Variants in POLR1B observed in about 807,000 individuals in gnomAD.
The protein encoded by POLR1B is DNA-directed RNA polymerase I subunit RPA2.
In POLR1B, 30 loss-of-function variants were observed where a neutral mutation model predicts 105.8. The observed-to-expected ratio is 0.28, with a 90% CI of 0.21 to 0.38. The LOEUF is 0.38. POLR1B is among the 10% of genes least tolerant of loss of function. The probability of loss-of-function intolerance (pLI) is 1.00; values close to 1 mark genes in which losing one functional copy is unlikely to be tolerated. For synonymous variants in POLR1B, 485 were observed against 505.1 expected, an observed-to-expected ratio of 0.96 and a Z score of 0.53; for missense variants, 976 against 1,435.8, an observed-to-expected ratio of 0.68 and a Z score of 5.17.
chr2:112,567,869 C>A, intron 10 of POLR1B, 98 bp from the exon 11 acceptor site: 1 of 1,020,408 alleles, frequency 9.8e-7, no homozygotes, highest in Non-Finnish European at 1.5e-6. Context: ...TTTACCATGG[C>A]TGAGTGTGGA....
At chr2:112,543,660 C>G (rs4849074) in intron 1 of POLR1B, among the ~76,000 whole-genome samples, 81,330 of 151,712 alleles carry the variant, frequency 0.54, 22,076 homozygotes, top group Middle Eastern at 0.67. Flanking sequence ...CAGTCTGATT[C>G]TTGAACTCTA....
chr2:112,572,510 A>G (rs1037570173), intron 12 of POLR1B, 52 bp from the exon 13 acceptor site: 21 of 1,365,214 alleles, frequency 1.5e-5, no homozygotes, highest in Non-Finnish European at 1.8e-5. Flanking sequence ...TATCACACCT[A>G]TAATCAAGAT....
At chr2:112,542,113 G>A, upstream of POLR1B, 2 of 1,535,680 alleles carry the variant, frequency 1.3e-6, no homozygotes, top group East Asian at 2.4e-5. Context: ...AAGAGAGCCT[G>A]AGAAGACCGC....
intron 8 of POLR1B, 93 bp from the exon 9 acceptor site, chr2:112,559,200 T>C (rs1683828434): frequency 2.2e-6 from 3 of 1,382,584 alleles, no homozygotes; most frequent in Non-Finnish European, 3.0e-6. Context: ...CTATGATCTG[T>C]AGAGTGCTCT....
At chr2:112,555,733 T>A (rs895093775) in intron 7 of POLR1B, among the ~76,000 whole-genome samples, 2 of 152,128 alleles carry the variant, frequency 1.3e-5, no homozygotes, top group Admixed American at 6.6e-5. Flanking sequence ...CAAGGGAAAA[T>A]TGGGGCTTTT....
In POLR1B at chr2:112,549,450, T is replaced by G. The variant is rs746792046; in HGVS notation, c.625+51T>G. On this transcript the variant is annotated intron_variant, in intron 4 of 14. Transcript: ENST00000263331. ...TTTTTTAAGGAAAATTTAAAACTTT[T>G]TTTTTTTTTGAAGTAGATGCATCCA... The G allele has an allele frequency of 2.1e-6, 3 of 1,443,844 alleles. No individual in the cohort carries two copies. The African/African-American group carries it at 4.4e-5, about 21-fold the overall frequency. 89.4% of individuals were successfully genotyped at this position (1,443,844 alleles called of 1,614,324 possible). A position where few individuals can be genotyped will look rare whatever the true frequency, so the allele number is the denominator to read the frequency against.
chr2:112,542,808 A>C, intron 1 of POLR1B, 137 bp downstream of exon 1: 4 of 1,125,772 alleles, frequency 3.6e-6, no homozygotes, highest in Non-Finnish European at 2.5e-6. Flanking sequence ...AGAGCACAAC[A>C]TGTTAAACAG....
At chr2:112,549,737 G>A (rs932482152) in intron 4 of POLR1B, among the ~76,000 whole-genome samples, 118 of 152,198 alleles carry the variant, frequency 7.8e-4, no homozygotes, top group African/African-American at 2.7e-3. Context: ...AGAGGATACA[G>A]ACTTGCAGTT....
intron 8 of POLR1B, among the ~76,000 whole-genome samples, chr2:112,558,940 A>T: frequency 1.4e-5 from 2 of 139,932 alleles, no homozygotes; most frequent in African/African-American, 2.6e-5. Flanking sequence ...TTTTAAACCC[A>T]TGTTACTGTT....
rs535486720 is a variant in POLR1B, at chr2:112,575,926, A to G, written c.*197A>G. ...TAACTATTGACAATGATTTTCTGTT[A>G]TCTTTGTTCAAAAAGTTCATGTCTT... On this transcript the variant is annotated 3_prime_UTR_variant, in exon 15 of 15. Coordinates refer to ENST00000263331, the MANE Select transcript of POLR1B (RefSeq NM_019014.6). The surrounding 1 kb of genome is among the most constrained non-coding windows in gnomAD (Gnocchi z 5.3). 5.2e-6 allele frequency: 3 copies of G among 573,630 alleles called. No homozygotes were observed. The highest frequency in any genetic ancestry group is 2.3e-5 in the South Asian group (1 of 43,036). 35.5% of individuals were successfully genotyped at this position (573,630 alleles called of 1,614,324 possible). A position where few individuals can be genotyped will look rare whatever the true frequency, so the allele number is the denominator to read the frequency against.
intron 8 of POLR1B, among the ~76,000 whole-genome samples, chr2:112,559,078 G>A (rs1683822748): frequency 6.6e-6 from 1 of 152,126 alleles, no homozygotes; most frequent in Non-Finnish European, 1.5e-5. Flanking sequence ...AGGAGACAGG[G>A]AACTAGTTGG....
chr2:112,545,568 A>G (rs1240384993), intron 1 of POLR1B, among the ~76,000 whole-genome samples: 2 of 152,198 alleles, frequency 1.3e-5, no homozygotes, highest in Non-Finnish European at 2.9e-5. Flanking sequence ...ATGACAGTTC[A>G]CTGTATTTCC....
At chr2:112,574,078 C>T (rs189428929) in intron 14 of POLR1B, among the ~76,000 whole-genome samples, 1 of 152,062 alleles carries the variant, frequency 6.6e-6, no homozygotes, top group Non-Finnish European at 1.5e-5. Context: ...CTCCTGGGCT[C>T]AAGTGATCCA....
chr2:112,553,197 A>T (rs9308672), intron 7 of POLR1B, among the ~76,000 whole-genome samples: 22,453 of 152,188 alleles, frequency 0.15, 2,095 homozygotes, highest in East Asian at 0.32. Flanking sequence ...ATTCACATAC[A>T]TGAGCAGAGC....
At chr2:112,542,224 G>A (rs1682784836), upstream of POLR1B, 1 of 1,535,708 alleles carries the variant, frequency 6.5e-7, no homozygotes, top group African/African-American at 1.4e-5. Context: ...TTCGCGAGCG[G>A]GGAGATGAGT....
rs1189231618 is a variant in POLR1B at position 112,578,758 on chromosome 2, ATAT to A, written c.*3030_*3032del. ...GTGCTATATGTACTATATGTCCTCT[ATAT>A]ATTTTTTCTATACATACATACCTTT... On this transcript the variant is annotated 3_prime_UTR_variant, in exon 15 of 15. Transcript: ENST00000263331. 1.3e-5 allele frequency among the ~76,000 whole-genome samples: 2 copies of A among 152,124 alleles called. No individual in the cohort carries two copies. The highest frequency in any genetic ancestry group is 4.8e-5 in the African/African-American group (2 of 41,412).
At chr2:112,571,615 C>T (rs964347051) in intron 12 of POLR1B, among the ~76,000 whole-genome samples, 1 of 152,112 alleles carries the variant, frequency 6.6e-6, no homozygotes, top group Non-Finnish European at 1.5e-5. Flanking sequence ...CAGGAGTCCA[C>T]CAAAGATTCG....
At chr2:112,560,470 C>A (rs1195350882) in intron 9 of POLR1B, among the ~76,000 whole-genome samples, 2 of 151,894 alleles carry the variant, frequency 1.3e-5, no homozygotes, top group African/African-American at 4.8e-5. Flanking sequence ...AACCTTTTTT[C>A]CTGATAACCT....
upstream of POLR1B, chr2:112,542,462 C>T (rs370384113): frequency 1.2e-5 from 18 of 1,477,252 alleles, no homozygotes; most frequent in African/African-American, 1.7e-4. Context: ...CGGCGTGTAC[C>T]GAGAGACTGG....
Sources: gnomAD v4.1 joint callset for allele counts (sites outside exome capture counted in the v4.1 genomes callset) on GRCh38, gnomAD v4.1.1 for gene constraint, Gnocchi (gnomAD v3.1) non-coding constraint, MANE v1.5 for transcripts, NCBI Gene and HGNC (gene_info 2026-07-23, HGNC 2026-07-21) for gene names.